The following CRNKL1 variants were observed in gnomAD, a reference collection of about 807,000 sequenced individuals.
The protein encoded by CRNKL1 is crooked neck-like protein 1.
In CRNKL1, 35 loss-of-function variants were observed where a neutral mutation model predicts 103.7. The observed-to-expected ratio is 0.34, with a 90% CI of 0.26 to 0.45. CRNKL1 has a LOEUF of 0.45. CRNKL1 is among the 20% of genes least tolerant of loss of function. CRNKL1 has a pLI of 1.00. For missense variants in CRNKL1, 645 were observed against 836.0 expected (o/e 0.77, Z 2.82); for synonymous variants, 267 against 282.6 (o/e 0.94, Z 0.55).
upstream of CRNKL1, chr20:20,052,718 G>A: frequency 1.9e-6 from 3 of 1,608,548 alleles, no homozygotes; most frequent in African/African-American, 1.3e-5. Context: ...TCGAGCCGTG[G>A]CGCCCTGCAA....
chr20:20,043,130 A>G (rs1329023538), intron 7 of CRNKL1, among the ~76,000 whole-genome samples: 3 of 152,200 alleles, frequency 2.0e-5, no homozygotes, highest in Admixed American at 6.5e-5. Flanking sequence ...TCAGGCAGTT[A>G]AGCTCAAAGG....
chr20:20,043,586 T>C lies in CRNKL1; in HGVS notation c.878A>G (p.Asn293Ser). 1 of 1,614,138 alleles carries C rather than the reference T, an allele frequency of 6.2e-7. No homozygotes were observed. Among genetic ancestry groups the C allele is most frequent in the Non-Finnish European group, 8.5e-7 (1 of 1,179,976 alleles). Residue 293 changes from asparagine (N) to serine (S), a missense_variant, in exon 7 of 14, where the codon AAT becomes AGT. Asn to Ser is a conservative substitution (Grantham distance 46). Coordinates refer to ENST00000536226, the MANE Select transcript of CRNKL1 (RefSeq NM_001278628.2). ...SKQDAQELFKNYTIFEKKFGD... is the reference protein window; with the variant it reads ...SKQDAQELFKSYTIFEKKFGD... ...AAACTTCTTCTCAAAGATGGTATAA[T>C]TTTTAAAGAGTTCTTGGGCATCTTG...
intron 8 of CRNKL1, 54 bp downstream of exon 8, chr20:20,042,271 G>C: frequency 6.9e-7 from 1 of 1,453,182 alleles, no homozygotes; most frequent in African/African-American, 1.4e-5. Context: ...GGTGAGCTGT[G>C]AATACAGAAG....
At position 20,043,571 on chromosome 20, in the gene CRNKL1, T is replaced by C; in HGVS notation, c.893A>G (p.Glu298Gly). 6.2e-7 allele frequency: 1 copy of C among 1,614,072 alleles called. No homozygotes were observed. Among genetic ancestry groups the C allele is most frequent in the Non-Finnish European group, 8.5e-7 (1 of 1,179,984 alleles). The change falls in exon 7 of 14, where the codon GAG becomes GGG. Residue 298 changes from glutamate to glycine, a missense_variant. Transcript: ENST00000536226. The part of the protein sequence containing the change: ...QELFKNYTIF[E>G]KKFGDRRGIE... ...ACCCCGCCTATCACCAAACTTCTTC[T>C]CAAAGATGGTATAATTTTTAAAGAG...
At chr20:20,052,716 T>C, upstream of CRNKL1, 1 of 1,608,686 alleles carries the variant, frequency 6.2e-7, no homozygotes, top group Non-Finnish European at 8.5e-7. Flanking sequence ...TGTCGAGCCG[T>C]GGCGCCCTGC....
Position 20,038,417 on chromosome 20 carries a change from C to T in CRNKL1, c.1579G>A (p.Glu527Lys). ...CGTGTTCTTTCTGTTTCTTCCTGCT[C>T]AATTTCAAAATCAATATATGATTTC... The part of the protein sequence containing the change: ...LWKSYIDFEI[E>K]QEETERTRNL... The change falls in exon 12 of 14, where the codon GAG becomes AAG. Residue 527 changes from glutamate (E) to lysine (K), a missense_variant. Coordinates refer to ENST00000536226, the MANE Select transcript of CRNKL1 (RefSeq NM_001278628.2). The T allele has an allele frequency of 3.2e-6, 5 of 1,552,352 alleles. No homozygotes were observed. The highest frequency in any genetic ancestry group is 4.4e-6 in the Non-Finnish European group (5 of 1,147,102).
rs1406199610 is a variant in CRNKL1, at chr20:20,035,720, A to G, written c.*475T>C. The G allele has an allele frequency of 6.4e-6, 1 of 155,360 alleles. No individual in the cohort carries two copies. The highest frequency in any genetic ancestry group is 1.9e-4 in the East Asian group (1 of 5,302). 9.6% of individuals were successfully genotyped at this position (155,360 alleles called of 1,614,324 possible). A position where few individuals can be genotyped will look rare whatever the true frequency, so the allele number is the denominator to read the frequency against. ...CACCCACCAGGTATATTCCTTTTAT[A>G]ATGTAATCTTCAAAATGAGCTGTCA... On this transcript the variant is annotated 3_prime_UTR_variant, in exon 14 of 14. Transcript: ENST00000536226.
At chr20:20,044,208 A>G (rs2043559299) in intron 6 of CRNKL1, among the ~76,000 whole-genome samples, 1 of 152,110 alleles carries the variant, frequency 6.6e-6, no homozygotes, top group South Asian at 2.1e-4. Context: ...CACTTTTGCC[A>G]TCTACCCTCA....
rs1251850671 is a variant in CRNKL1, at chr20:20,039,741, G to A, written c.1413C>T (p.Phe471=). The change falls in exon 11 of 14, where the codon TTC becomes TTT. Residue 471 remains phenylalanine, a synonymous_variant. Transcript: ENST00000536226. ...TACAATTTTCAGGTCCAAATTCCAG[G>A]AACTTTTCATAAAGCTTCCGGCATC... ...FDRCRKLYEK[F]LEFGPENCTS... 1.2e-6 allele frequency: 2 copies of A among 1,614,046 alleles called. No homozygotes were observed. The highest frequency in any genetic ancestry group is 1.3e-5 in the African/African-American group (1 of 74,916).
chr20:20,044,338 A>G (rs1330604357), intron 6 of CRNKL1, among the ~76,000 whole-genome samples: 1 of 152,212 alleles, frequency 6.6e-6, no homozygotes. Context: ...ACTCCCTAGC[A>G]TGGTCCGTGC....
chr20:20,040,649 G>T (rs1179469393), intron 10 of CRNKL1, 37 bp downstream of exon 10: 2 of 1,454,582 alleles, frequency 1.4e-6, no homozygotes, highest in Non-Finnish European at 1.9e-6. Flanking sequence ...CTTTCTCATA[G>T]AACTTGATGA....
At position 20,047,925 on chromosome 20, in the gene CRNKL1, C is replaced by T; in HGVS notation, c.462G>A (p.Lys154=). ...CCAACATTTCCTCCATGTACGTGTACTTGTACCTGTAACAAAATCACCCGA... is the reference window on the plus strand; with the variant it reads ...CCAACATTTCCTCCATGTACGTGTATTTGTACCTGTAACAAAATCACCCGA... ...TLPRVNQFWY[K]YTYMEEMLGN... is the part of the protein sequence containing the mutation. Residue 154 remains lysine, a synonymous_variant, in exon 5 of 14, where the codon AAG becomes AAA. Coordinates refer to ENST00000536226, the MANE Select transcript of CRNKL1 (RefSeq NM_001278628.2). 1 of 1,612,110 alleles carries T rather than the reference C, an allele frequency of 6.2e-7. No homozygotes were observed. The highest frequency in any genetic ancestry group is 8.5e-7 in the Non-Finnish European group (1 of 1,178,390).
chr20:20,054,494 T>A (rs933344515), upstream of CRNKL1, among the ~76,000 whole-genome samples: 32 of 152,316 alleles, frequency 2.1e-4, no homozygotes, highest in Admixed American at 6.5e-4. Flanking sequence ...AAACATTTTT[T>A]AAAAATTACA....
intron 12 of CRNKL1, 59 bp downstream of exon 12, chr20:20,038,290 A>G: frequency 9.7e-7 from 1 of 1,032,192 alleles, no homozygotes; most frequent in South Asian, 1.5e-5. Flanking sequence ...GAAATATATC[A>G]TTTTCTTCTG....
chr20:20,036,112 A>G lies in CRNKL1; in HGVS notation c.*83T>C. On this transcript the variant is annotated 3_prime_UTR_variant, in exon 14 of 14. Transcript: ENST00000536226. ...TACCAATCAATTTCTTACTGGTGAA[A>G]TATATAAGAACTTCCAGGAGTCACA... 7.4e-7 allele frequency: 1 copy of G among 1,359,258 alleles called. No homozygotes were observed. The highest frequency in any genetic ancestry group is 2.3e-5 in the Admixed American group (1 of 44,220). 84.2% of individuals were successfully genotyped at this position (1,359,258 alleles called of 1,614,324 possible). A position where few individuals can be genotyped will look rare whatever the true frequency, so the allele number is the denominator to read the frequency against.
At chr20:20,050,698 T>A (rs1600255976) in intron 1 of CRNKL1, 76 bp from the exon 2 acceptor site, 2 of 1,373,042 alleles carry the variant, frequency 1.5e-6, no homozygotes, top group East Asian at 4.7e-5. Flanking sequence ...ATACATTTTT[T>A]AGGATATGAA....
chr20:20,054,290 T>G (rs185334665), upstream of CRNKL1, among the ~76,000 whole-genome samples: 20 of 152,168 alleles, frequency 1.3e-4, no homozygotes, highest in Admixed American at 4.6e-4. Flanking sequence ...AATGGTTATT[T>G]TTTCCTTTTA....
In CRNKL1 at chr20:20,049,208, A is replaced by C. The variant is rs1326525444; in HGVS notation, c.296+132T>G. The C allele has an allele frequency of 2.2e-5, 13 of 585,612 alleles. No individual in the cohort carries two copies. The East Asian group carries it at 3.4e-4, about 15-fold the overall frequency. The allele number at this position is 585,612 out of a possible 1,614,324, so 36.3% of individuals were successfully genotyped here. The stretch of plus-strand genomic sequence containing the variant: ...GCCCTCAAGGGAACCCTAGGGTTCC[A>C]TGGAACCAAAGTTGAAAATTTCTAC... On this transcript the variant is annotated intron_variant, in intron 3 of 13. Coordinates refer to ENST00000536226, the MANE Select transcript of CRNKL1 (RefSeq NM_001278628.2).
chr20:20,039,609 C>T lies in CRNKL1; in HGVS notation c.1545G>A (p.Glu515=), dbSNP rs767939313. The change falls in exon 11 of 14, where the codon GAG becomes GAA. Residue 515 remains glutamate, a splice_region_variant and synonymous_variant. Coordinates refer to ENST00000536226, the MANE Select transcript of CRNKL1 (RefSeq NM_001278628.2). ...AISQPRLDMP[E]VLWKSYIDFE... is the part of the protein sequence containing the mutation. ...ATTATATTTGACTTGAGATGCTCAC[C>T]TCTGGCATGTCTAAACGTGGCTGAC... The T allele has an allele frequency of 1.2e-6, 2 of 1,614,022 alleles. No individual in the cohort carries two copies. Among genetic ancestry groups the T allele is most frequent in the African/African-American group, 2.7e-5 (2 of 74,922 alleles).
Sources: gnomAD v4.1 joint callset for allele counts (sites outside exome capture counted in the v4.1 genomes callset) on GRCh38, gnomAD v4.1.1 for gene constraint, MANE v1.5 for transcripts, NCBI Gene and HGNC (gene_info 2026-07-23, HGNC 2026-07-21) for gene names.